C5: variants seen among roughly 807,000 people sequenced by gnomAD.
C5 encodes the protein C3 and PZP-like alpha-2-macroglobulin domain-containing protein 4.
C5 carries 140 observed loss-of-function variants against 218.8 expected under a neutral mutation model. That is an observed-to-expected ratio of 0.64 (90% CI 0.56 to 0.74). The LOEUF is 0.74. Ranked by LOEUF, C5 falls within the 30% of genes least tolerant of loss-of-function variation. The probability of loss-of-function intolerance (pLI) is 0.00; values close to 1 mark genes in which losing one functional copy is unlikely to be tolerated. For synonymous variants in C5, 614 were observed against 682.3 expected (o/e 0.90, Z 1.56); for missense variants, 1,700 against 1,969.6 (o/e 0.86, Z 2.59).
rs533594457 is a variant in C5, at chr9:120,961,818, C to T, written c.4505-253G>A. On this transcript the variant is annotated intron_variant, in intron 36 of 40. Transcript: ENST00000223642. ...TTTCTCAGAAATAAAACATTTGATG[C>T]TTCTCTAAGTAAGAGGAAAATAAAT... Among the ~76,000 whole-genome samples the T allele has an allele frequency of 2.8e-3, 428 of 152,266 alleles. 2 individuals are homozygous for T. The highest frequency in any genetic ancestry group is 9.0e-3 in the Admixed American group (138 of 15,292).
chr9:121,039,287 T>C (rs2047556314), intron 3 of C5, among the ~76,000 whole-genome samples: 2 of 152,226 alleles, frequency 1.3e-5, no homozygotes, highest in African/African-American at 4.8e-5. Context: ...AAAATTAATC[T>C]TGTCTTCACA....
At chr9:120,976,642 G>C in intron 29 of C5, 58 bp downstream of exon 29, 2 of 1,366,298 alleles carry the variant, frequency 1.5e-6, no homozygotes, top group Non-Finnish European at 2.1e-6. Context: ...AGATGAGTGT[G>C]GTGGGGGAGA....
chr9:121,003,357 C>G (rs1475180376), intron 20 of C5, among the ~76,000 whole-genome samples: 1 of 151,942 alleles, frequency 6.6e-6, no homozygotes, highest in East Asian at 1.9e-4. Context: ...AGTTTATTCC[C>G]CATTTACATC....
intron 38 of C5, 46 bp downstream of exon 38, chr9:120,960,202 A>G: frequency 8.2e-7 from 1 of 1,221,340 alleles, no homozygotes; most frequent in Non-Finnish European, 1.2e-6. Flanking sequence ...ACACATATTC[A>G]TAAAATTTCA....
At chr9:120,977,917 C>T (rs2046965051) in intron 28 of C5, among the ~76,000 whole-genome samples, 1 of 152,154 alleles carries the variant, frequency 6.6e-6, no homozygotes, top group Non-Finnish European at 1.5e-5. Flanking sequence ...ATAATACTTT[C>T]TTCCATGCAG....
chr9:121,066,862 G>GAA, the C5 span, among the ~76,000 whole-genome samples: 2,877 of 134,734 alleles, frequency 0.021, 102 homozygotes, highest in African/African-American at 0.068. Context: ...CTCAAAAAAA[G>GAA]AAAAAAAAAA....
In C5 at chr9:120,962,973, G is replaced by T; in HGVS notation, c.4324-6C>A. The T allele has an allele frequency of 1.2e-6, 2 of 1,608,546 alleles. No individual in the cohort carries two copies. Among genetic ancestry groups the T allele is most frequent in the Non-Finnish European group, 1.7e-6 (2 of 1,174,976 alleles). On this transcript the variant is annotated splice_polypyrimidine_tract_variant and splice_region_variant and intron_variant, in intron 34 of 40. Coordinates refer to ENST00000223642, the MANE Select transcript of C5 (RefSeq NM_001735.3). The stretch of plus-strand genomic sequence containing the variant: ...TGATCCACCCCTTCCACAAGCTAAG[G>T]GGGAAAAGAGAGAAGCTTGAATTTC...
At chr9:121,051,123 CTTTT>C (rs5900469), upstream of C5, among the ~76,000 whole-genome samples, 1 of 140,822 alleles carries the variant, frequency 7.1e-6, no homozygotes, top group Non-Finnish European at 1.6e-5. Flanking sequence ...TATCTTTATA[CTTTT>C]TTTTTTTTTT....
chr9:120,960,354 T>C lies in C5; in HGVS notation c.4589-17A>G, dbSNP rs373623718. The C allele has an allele frequency of 2.9e-5, 46 of 1,576,186 alleles. No individual in the cohort carries two copies. The African/African-American group carries it at 3.8e-4, about 13-fold the overall frequency. On this transcript the variant is annotated splice_polypyrimidine_tract_variant and intron_variant, in intron 37 of 40. Transcript: ENST00000223642. ...CACAATCAGCTGGATTTTGTGAAAA[T>C]TGGTAAAAATAAGGTTAATGGAAAG... is the stretch of plus-strand genomic sequence containing the variant.
chr9:121,027,072 G>A (rs1047168486), intron 8 of C5, 88 bp downstream of exon 8: 12 of 755,796 alleles, frequency 1.6e-5, no homozygotes, highest in Non-Finnish European at 2.1e-5. Flanking sequence ...TAAAATGGGG[G>A]ATTGGACTAG....
intron 2 of C5, among the ~76,000 whole-genome samples, chr9:121,045,125 T>C (rs888405791): frequency 2.0e-5 from 3 of 152,044 alleles, no homozygotes; most frequent in African/African-American, 7.2e-5. Context: ...TTTTAATAAA[T>C]GAATTTTAAT....
rs551951176 is a variant in C5 at position 121,013,939 on chromosome 9, A to G, written c.2191T>C (p.Cys731Arg). The G allele has an allele frequency of 1.2e-6, 2 of 1,614,144 alleles. No individual in the cohort carries two copies. The highest frequency in any genetic ancestry group is 4.5e-5 in the East Asian group (2 of 44,884). Reference protein sequence around the residue: ...GPRCIKAFTECCVVASQLRAN... With the variant: ...GPRCIKAFTERCVVASQLRAN... ...CGGAGCTGGCTTGCGACGACACAAC[A>G]TTCAGTGAAAGCTTTGATGCATCTT... Residue 731 changes from cysteine (C) to arginine (R), a missense_variant, in exon 17 of 41, where the codon TGT (cysteine) becomes CGT (arginine). Physicochemically the swap from Cys to Arg is radical, Grantham distance 180 (BLOSUM62 -3). Transcript: ENST00000223642.
At chr9:121,067,461 G>A in the C5 span, among the ~76,000 whole-genome samples, 2 of 151,836 alleles carry the variant, frequency 1.3e-5, no homozygotes, top group Non-Finnish European at 2.9e-5. Context: ...CTACTTGGGA[G>A]GCTGAGGCAG....
At chr9:120,974,704 TA>T in intron 30 of C5, 74 bp downstream of exon 30, 1 of 1,329,794 alleles carries the variant, frequency 7.5e-7, no homozygotes, top group Non-Finnish European at 1.1e-6. Flanking sequence ...GATAGATTTA[TA>T]AAATAAAGAG....
intron 38 of C5, 126 bp from the exon 39 acceptor site, chr9:120,957,494 T>C (rs2046795090): frequency 2.8e-6 from 2 of 710,716 alleles, no homozygotes; most frequent in African/African-American, 1.7e-5. Context: ...TCTTATTTCC[T>C]CCAAGAAGCC....
At chr9:121,017,321 A>C (rs1429842465) in intron 14 of C5, 41 bp downstream of exon 14, 3 of 1,611,662 alleles carry the variant, frequency 1.9e-6, no homozygotes, top group Admixed American at 1.7e-5. Flanking sequence ...CCTGGTGGCC[A>C]CACTTCATGC....
chr9:121,063,985 GATATTTCTTT>G, the C5 span, among the ~76,000 whole-genome samples: 406 of 152,260 alleles, frequency 2.7e-3, 2 homozygotes, highest in Middle Eastern at 0.01. Context: ...TGAATCTTGA[GATATTTCTTT>G]GTAAGAAGAA....
At chr9:121,044,272 C>A (rs113302869) in intron 2 of C5, among the ~76,000 whole-genome samples, 11 of 152,148 alleles carry the variant, frequency 7.2e-5, no homozygotes, top group African/African-American at 2.7e-4. Flanking sequence ...GTCAGGAGTT[C>A]GAGACCATCC....
intron 25 of C5, among the ~76,000 whole-genome samples, chr9:120,985,911 A>G (rs950999508): frequency 1.3e-5 from 2 of 152,218 alleles, no homozygotes; most frequent in African/African-American, 2.4e-5. Flanking sequence ...AATACTGAGC[A>G]GTTAATCTAC....
Sources: gnomAD v4.1 joint callset for allele counts (sites outside exome capture counted in the v4.1 genomes callset) on GRCh38, gnomAD v4.1.1 for gene constraint, MANE v1.5 for transcripts, NCBI Gene and HGNC (gene_info 2026-07-23, HGNC 2026-07-21) for gene names.